FABP12: variants seen among roughly 807,000 people sequenced by gnomAD.
FABP12 encodes the protein fatty acid-binding protein 12.
In FABP12, 19 loss-of-function variants were observed where a neutral mutation model predicts 13.7. The observed-to-expected ratio is 1.39, with a 90% confidence interval of 0.97 to 2.04. FABP12 has a LOEUF of 2.04. Among genes scored for constraint, FABP12 ranks in the 30% most tolerant of loss-of-function variants. FABP12 has a pLI of 0.00. For missense variants in FABP12, 182 were observed against 164.2 expected (o/e 1.11, Z -0.59); for synonymous variants, 61 against 57.0 (o/e 1.07, Z -0.32).
At chr8:81,532,014 C>A (rs543748028) in intron 1 of FABP12, among the ~76,000 whole-genome samples, 1 of 152,036 alleles carries the variant, frequency 6.6e-6, no homozygotes, top group Admixed American at 6.6e-5. Context: ...AACTTCCCAA[C>A]GGTTTAGAGA....
At chr8:81,526,416 C>T (rs994926063) in intron 4 of FABP12, 2 of 152,134 alleles carry the variant, frequency 1.3e-5, no homozygotes, top group African/African-American at 4.8e-5. Flanking sequence ...ACCTGATGCT[C>T]CTCCCAGTAC....
intron 4 of FABP12, chr8:81,525,699 T>A (rs1325039801): frequency 6.6e-6 from 1 of 152,222 alleles, no homozygotes; most frequent in Non-Finnish European, 1.5e-5. Context: ...TATATATGTA[T>A]AAAGCAAGGC....
chr8:81,570,396 AT>A (rs1809907756), intron 1 of FABP12, among the ~76,000 whole-genome samples: 1 of 152,252 alleles, frequency 6.6e-6, no homozygotes, highest in African/African-American at 2.4e-5. Flanking sequence ...AGAATGAGGC[AT>A]GCAGACACGT....
At chr8:81,529,673 C>A in intron 2 of FABP12, 63 bp from the exon 3 acceptor site, 1 of 1,360,422 alleles carries the variant, frequency 7.4e-7, no homozygotes, top group South Asian at 1.3e-5. Context: ...CATTACATTA[C>A]AATACAATAC....
At chr8:81,551,400 C>T (rs1331699572) in intron 1 of FABP12, among the ~76,000 whole-genome samples, 1 of 152,142 alleles carries the variant, frequency 6.6e-6, no homozygotes, top group African/African-American at 2.4e-5. Flanking sequence ...TGTTTTGACT[C>T]TGGGAAGAGA....
intron 1 of FABP12, among the ~76,000 whole-genome samples, chr8:81,585,824 G>A (rs1046760202): frequency 7.2e-5 from 11 of 151,880 alleles, no homozygotes; most frequent in Non-Finnish European, 1.3e-4. Context: ...TGTATTTTAT[G>A]TTCTTTCTTT....
chr8:81,563,752 GA>G (rs1809768009), intron 1 of FABP12, among the ~76,000 whole-genome samples: 2 of 152,018 alleles, frequency 1.3e-5, no homozygotes, highest in African/African-American at 4.8e-5. Context: ...AAAAAAGAAA[GA>G]AGAATAATAA....
At chr8:81,539,239 T>C (rs1809289117) in intron 2 of FABP12, among the ~76,000 whole-genome samples, 1 of 152,066 alleles carries the variant, frequency 6.6e-6, no homozygotes, top group Non-Finnish European at 1.5e-5. Flanking sequence ...GAATTGTTTT[T>C]TGTCAGTTAA....
chr8:81,570,075 T>C (rs1336805325), intron 1 of FABP12, among the ~76,000 whole-genome samples: 1 of 152,226 alleles, frequency 6.6e-6, no homozygotes, highest in Non-Finnish European at 1.5e-5. Context: ...GGTGCCAGCA[T>C]TGGTGCCAGC....
At chr8:81,539,764 A>G (rs530176900) in intron 1 of FABP12, among the ~76,000 whole-genome samples, 29 of 152,324 alleles carry the variant, frequency 1.9e-4, no homozygotes, top group Non-Finnish European at 2.6e-4. Flanking sequence ...GAATAAAGAC[A>G]GCAAGGTCAG....
chr8:81,564,632 G>A (rs1809784652), intron 1 of FABP12, among the ~76,000 whole-genome samples: 2 of 151,906 alleles, frequency 1.3e-5, no homozygotes, highest in Admixed American at 6.6e-5. Flanking sequence ...TAAAATAATG[G>A]GTTATAAGGT....
intron 1 of FABP12, among the ~76,000 whole-genome samples, chr8:81,566,876 T>G (rs1809832243): frequency 6.6e-6 from 1 of 152,168 alleles, no homozygotes; most frequent in Non-Finnish European, 1.5e-5. Context: ...TTATCCTTGT[T>G]TGCAGATGAT....
chr8:81,558,454 T>C (rs1809659232), intron 1 of FABP12, among the ~76,000 whole-genome samples: 1 of 152,168 alleles, frequency 6.6e-6, no homozygotes, highest in South Asian at 2.1e-4. Flanking sequence ...TGCACCACAG[T>C]GAGCCAGCCC....
chr8:81,527,160 A>G, intron 3 of FABP12, 39 bp from the exon 4 acceptor site: 2 of 1,171,874 alleles, frequency 1.7e-6, no homozygotes, highest in Non-Finnish European at 2.5e-6. Flanking sequence ...TCAGCTTGTC[A>G]TATTTCAACA....
intron 1 of FABP12, among the ~76,000 whole-genome samples, chr8:81,576,682 T>C (rs1464591601): frequency 1.3e-5 from 2 of 152,238 alleles, no homozygotes; most frequent in African/African-American, 2.4e-5. Context: ...ATGGATATGC[T>C]GTTAGTATAG....
In FABP12 at chr8:81,567,396, CTGA is replaced by C. The variant is rs1585854084; in HGVS notation, c.-185+22654_-185+22656del. On this transcript the variant is annotated intron_variant, in intron 1 of 5. Coordinates refer to the FABP12 transcript ENST00000692030. ...AACAAAACTGAAGGAATCACATTAC[CTGA>C]CTTCAAATTACACTGCAGAGCTATG... Among the ~76,000 whole-genome samples, 4 of 152,166 alleles carry C rather than the reference CTGA, an allele frequency of 2.6e-5. No homozygotes were observed. The East Asian group carries it at 7.7e-4, about 29-fold the overall frequency.
intron 3 of FABP12, among the ~76,000 whole-genome samples, chr8:81,528,974 C>T (rs1808983996): frequency 6.6e-6 from 1 of 152,062 alleles, no homozygotes; most frequent in Admixed American, 6.6e-5. Context: ...CCCAACACTA[C>T]GTATGTACTA....
chr8:81,556,849 T>C (rs1467324227), intron 1 of FABP12, among the ~76,000 whole-genome samples: 1 of 148,812 alleles, frequency 6.7e-6, no homozygotes, highest in Non-Finnish European at 1.5e-5. Flanking sequence ...ATTTGTTGAT[T>C]AAATGATTTT....
chr8:81,562,933 T>C (rs1349427987), intron 1 of FABP12, among the ~76,000 whole-genome samples: 3 of 152,188 alleles, frequency 2.0e-5, no homozygotes, highest in African/African-American at 4.8e-5. Context: ...TGAGCAAATG[T>C]AAGTGGTAGT....
Sources: allele counts gnomAD v4.1 joint callset (sites outside exome capture counted in the v4.1 genomes callset), GRCh38; gene constraint gnomAD v4.1.1; transcripts MANE v1.5; gene names NCBI Gene and HGNC (gene_info 2026-07-23, HGNC 2026-07-21).